The following GALNT13 variants were observed in gnomAD, a reference collection of about 807,000 sequenced individuals.
GALNT13 encodes the protein polypeptide N-acetylgalactosaminyltransferase 13, also known as UDP-GalNAc:polypeptide N-acetylgalactosaminyltransferase 13.
A neutral mutation model predicts 64.2 loss-of-function variants in GALNT13; 28 were observed. The ratio of observed to expected loss-of-function variants is 0.44; its 90% CI spans 0.32 to 0.60. GALNT13 has a LOEUF of 0.60. Ranked by LOEUF, GALNT13 falls within the 20% of genes least tolerant of loss-of-function variation. The pLI is 0.05. For missense variants in GALNT13, 577 were observed against 669.8 expected (o/e 0.86, Z 1.53); for synonymous variants, 214 against 224.6 (o/e 0.95, Z 0.42).
chr2:153,809,781 A>T, the GALNT13 span, among the ~76,000 whole-genome samples: 1 of 152,056 alleles, frequency 6.6e-6, no homozygotes, highest in South Asian at 2.1e-4. Context: ...GTTTTAATGG[A>T]TGACTTGTCT....
chr2:154,196,458 A>G (rs1176487960), intron 4 of GALNT13, among the ~76,000 whole-genome samples: 1 of 152,216 alleles, frequency 6.6e-6, no homozygotes, highest in Non-Finnish European at 1.5e-5. Context: ...ATTTTTTATT[A>G]ATCTACTGGT....
At chr2:153,079,044 GT>G in the GALNT13 span, among the ~76,000 whole-genome samples, 4 of 152,130 alleles carry the variant, frequency 2.6e-5, no homozygotes, top group Non-Finnish European at 4.4e-5. Flanking sequence ...TATAGGTTTT[GT>G]TGTTACTTAG....
intron 11 of GALNT13, among the ~76,000 whole-genome samples, chr2:154,421,760 A>G (rs1462639312): frequency 3.3e-5 from 5 of 152,006 alleles, no homozygotes; most frequent in African/African-American, 4.8e-5. Context: ...TTTTCTTTTA[A>G]TTACATCATA....
intron 1 of GALNT13, among the ~76,000 whole-genome samples, chr2:153,880,760 T>G (rs771620854): frequency 4.6e-5 from 7 of 152,168 alleles, no homozygotes; most frequent in Admixed American, 4.6e-4. Context: ...TAAGCATACC[T>G]TTTGATTTTT....
the GALNT13 span, among the ~76,000 whole-genome samples, chr2:153,530,852 C>T: frequency 2.0e-5 from 3 of 152,146 alleles, no homozygotes; most frequent in African/African-American, 2.4e-5. Flanking sequence ...AAGAACAAAA[C>T]TGGAACCCTA....
At chr2:153,797,521 G>A in the GALNT13 span, among the ~76,000 whole-genome samples, 1 of 152,046 alleles carries the variant, frequency 6.6e-6, no homozygotes, top group East Asian at 1.9e-4. Flanking sequence ...GGGATCCCTC[G>A]AGGACTTTTC....
chr2:153,128,078 C>T, the GALNT13 span, among the ~76,000 whole-genome samples: 1 of 152,228 alleles, frequency 6.6e-6, no homozygotes, highest in South Asian at 2.1e-4. Context: ...GGATTTGATT[C>T]CATGACCCTG....
chr2:153,437,460 T>TAA, the GALNT13 span, among the ~76,000 whole-genome samples: 2 of 152,186 alleles, frequency 1.3e-5, no homozygotes, highest in African/African-American at 4.8e-5. Flanking sequence ...TGTGGGAGTC[T>TAA]AAGTCTCTTT....
At chr2:153,306,208 C>A in the GALNT13 span, among the ~76,000 whole-genome samples, 1 of 152,150 alleles carries the variant, frequency 6.6e-6, no homozygotes, top group Non-Finnish European at 1.5e-5. Flanking sequence ...GGGTCGTTTC[C>A]TGCTTTCTTG....
the GALNT13 span, among the ~76,000 whole-genome samples, chr2:153,857,290 T>C: frequency 1.3e-5 from 2 of 152,186 alleles, no homozygotes; most frequent in African/African-American, 4.8e-5. Context: ...GGTTGTTATA[T>C]ATTTACCAGC....
At chr2:153,234,573 C>A in the GALNT13 span, among the ~76,000 whole-genome samples, 1 of 152,054 alleles carries the variant, frequency 6.6e-6, no homozygotes, top group East Asian at 1.9e-4. Context: ...TTCTCAGGGA[C>A]TAATTTAAAT....
the GALNT13 span, among the ~76,000 whole-genome samples, chr2:153,334,434 G>A: frequency 2.6e-5 from 4 of 152,132 alleles, no homozygotes; most frequent in African/African-American, 2.4e-5. Context: ...GTCAGCAGAA[G>A]CTTTCTTTAG....
chr2:153,512,490 G>A, the GALNT13 span, among the ~76,000 whole-genome samples: 1 of 152,168 alleles, frequency 6.6e-6, no homozygotes, highest in Non-Finnish European at 1.5e-5. Flanking sequence ...GTGGTTAAGA[G>A]TGTGAGCTCT....
intron 3 of GALNT13, among the ~76,000 whole-genome samples, chr2:154,027,661 ATATAT>A (rs1482136490): frequency 2.0e-5 from 3 of 152,156 alleles, no homozygotes; most frequent in Non-Finnish European, 4.4e-5. Context: ...TCAGAAGGAA[ATATAT>A]TAAAGTCATT....
chr2:153,214,713 T>C, the GALNT13 span, among the ~76,000 whole-genome samples: 1 of 152,160 alleles, frequency 6.6e-6, no homozygotes, highest in African/African-American at 2.4e-5. Context: ...ATACTTAGAC[T>C]AACACAGTTT....
intron 2 of GALNT13, among the ~76,000 whole-genome samples, chr2:153,908,752 T>C (rs147808264): frequency 6.6e-6 from 1 of 150,384 alleles, no homozygotes; most frequent in Non-Finnish European, 1.5e-5. Context: ...TTGGCCTATA[T>C]GTCTGCCTTT....
chr2:153,232,031 C>A, the GALNT13 span, among the ~76,000 whole-genome samples: 1 of 152,234 alleles, frequency 6.6e-6, no homozygotes, highest in South Asian at 2.1e-4. Context: ...GTGCACTGAC[C>A]CTTGTCAATG....
the GALNT13 span, among the ~76,000 whole-genome samples, chr2:153,145,995 G>C: frequency 6.6e-6 from 1 of 151,716 alleles, no homozygotes; most frequent in African/African-American, 2.4e-5. Flanking sequence ...TTCATGTCTT[G>C]GGAAACTCAC....
At chr2:154,445,345 T>TA (rs2105492104) in intron 12 of GALNT13, among the ~76,000 whole-genome samples, 1 of 152,092 alleles carries the variant, frequency 6.6e-6, no homozygotes, top group African/African-American at 2.4e-5. Context: ...TTTTATGTCA[T>TA]AAAAATAATT....
Sources: allele counts gnomAD v4.1 joint callset (sites outside exome capture counted in the v4.1 genomes callset), GRCh38; gene constraint gnomAD v4.1.1; transcripts MANE v1.5; gene names NCBI Gene and HGNC (gene_info 2026-07-23, HGNC 2026-07-21).